The following KIAA1217 variants were observed in gnomAD, a reference collection of about 807,000 sequenced individuals.
The protein encoded by KIAA1217 is sickle tail protein homolog.
In KIAA1217, 88 loss-of-function variants were observed where a neutral mutation model predicts 163.9. The observed-to-expected ratio is 0.54, with a 90% CI of 0.45 to 0.64. The LOEUF (loss-of-function observed/expected upper bound fraction) is 0.64. Among genes scored for constraint, KIAA1217 ranks in the 30% least tolerant of loss-of-function variants. KIAA1217 has a pLI of 0.00. For missense variants in KIAA1217, 2,372 were observed against 2,475.0 expected (o/e 0.96, Z 0.88); for synonymous variants, 903 against 923.1 (o/e 0.98, Z 0.39).
In KIAA1217 at chr10:24,169,900, A is replaced by G. The variant is rs114987625; in HGVS notation, c.-170-49726A>G. ...CAACAAAAAGAAAATTAAAAAAACG[A>G]AAAAACACCTAAGCTCCCTAAGTTA... On this transcript the variant is annotated intron_variant, in intron 2 of 18. Transcript: ENST00000376462. Among the ~76,000 whole-genome samples the G allele has an allele frequency of 4.2e-3, 646 of 152,330 alleles. 2 individuals are homozygous for G. The highest frequency in any genetic ancestry group is 0.015 in the African/African-American group (626 of 41,572).
At chr10:23,766,347 G>A (rs1834514490) in intron 1 of KIAA1217, among the ~76,000 whole-genome samples, 1 of 152,160 alleles carries the variant, frequency 6.6e-6, no homozygotes. Flanking sequence ...AGTTAATAGT[G>A]TCCTCAAGTT....
chr10:24,534,823 G>T (rs553887948), intron 16 of KIAA1217, among the ~76,000 whole-genome samples: 1 of 146,436 alleles, frequency 6.8e-6, no homozygotes, highest in African/African-American at 2.5e-5. Context: ...GGAAGTTGCA[G>T]TGAGCCAGGA....
intron 1 of KIAA1217, among the ~76,000 whole-genome samples, chr10:23,821,521 T>C (rs371990361): frequency 1.8e-4 from 27 of 152,230 alleles, no homozygotes; most frequent in African/African-American, 6.3e-4. Context: ...CAAACACAAA[T>C]GATGGGGAAA....
intron 2 of KIAA1217, among the ~76,000 whole-genome samples, chr10:24,077,904 C>T (rs1038932694): frequency 2.6e-5 from 4 of 152,172 alleles, no homozygotes; most frequent in Non-Finnish European, 4.4e-5. Context: ...GAGATGGTAT[C>T]GCACTGTGCT....
chr10:24,063,833 G>C (rs2060829772), intron 2 of KIAA1217, among the ~76,000 whole-genome samples: 1 of 152,114 alleles, frequency 6.6e-6, no homozygotes, highest in African/African-American at 2.4e-5. Flanking sequence ...GTGGTTTGTA[G>C]TTCTCCTTGA....
At chr10:24,168,546 T>A (rs1337060888) in intron 2 of KIAA1217, among the ~76,000 whole-genome samples, 1 of 152,204 alleles carries the variant, frequency 6.6e-6, no homozygotes, top group Non-Finnish European at 1.5e-5. Context: ...CACCTACATT[T>A]TTCTTAAAAG....
chr10:23,842,374 A>G (rs1811081145), intron 1 of KIAA1217, among the ~76,000 whole-genome samples: 2 of 152,112 alleles, frequency 1.3e-5, no homozygotes, highest in Admixed American at 1.3e-4. Flanking sequence ...TTGGATTTTC[A>G]CTTTTGGGCC....
intron 1 of KIAA1217, among the ~76,000 whole-genome samples, chr10:23,811,169 A>G (rs997895444): frequency 1.7e-4 from 24 of 141,928 alleles, no homozygotes; most frequent in Non-Finnish European, 3.0e-4. Flanking sequence ...CATGTATACT[A>G]TACATATATA....
chr10:24,114,912 G>A (rs910753817), intron 2 of KIAA1217, among the ~76,000 whole-genome samples: 1 of 152,142 alleles, frequency 6.6e-6, no homozygotes, highest in African/African-American at 2.4e-5. Flanking sequence ...AGCATAACAA[G>A]TTCCATCCTA....
At chr10:24,236,523 C>G (rs985252493) in intron 2 of KIAA1217, among the ~76,000 whole-genome samples, 2 of 152,100 alleles carry the variant, frequency 1.3e-5, no homozygotes, top group African/African-American at 4.8e-5. Context: ...GGATTATAGG[C>G]GTGAGCCACT....
chr10:24,383,241 T>C (rs1265514353), intron 3 of KIAA1217, among the ~76,000 whole-genome samples: 2 of 152,232 alleles, frequency 1.3e-5, no homozygotes, highest in Non-Finnish European at 2.9e-5. Flanking sequence ...CTCAGGTCTC[T>C]GTAAAGATAA....
At chr10:24,089,553 A>G (rs1392456468) in intron 2 of KIAA1217, among the ~76,000 whole-genome samples, 4 of 150,952 alleles carry the variant, frequency 2.6e-5, no homozygotes, top group African/African-American at 9.8e-5. Flanking sequence ...TAAATAGGGA[A>G]TCCTTTCCCC....
At chr10:24,381,457 G>T (rs375230036) in intron 3 of KIAA1217, among the ~76,000 whole-genome samples, 1 of 152,146 alleles carries the variant, frequency 6.6e-6, no homozygotes, top group Non-Finnish European at 1.5e-5. Flanking sequence ...AAGCATTACC[G>T]CCTGAGCTCC....
At chr10:23,717,039 T>TA (rs1379661179) in intron 1 of KIAA1217, among the ~76,000 whole-genome samples, 1 of 152,120 alleles carries the variant, frequency 6.6e-6, no homozygotes, top group African/African-American at 2.4e-5. Flanking sequence ...GTTAAACAAC[T>TA]AACCACACAA....
At chr10:24,175,955 A>T (rs1485742991) in intron 2 of KIAA1217, among the ~76,000 whole-genome samples, 1 of 152,138 alleles carries the variant, frequency 6.6e-6, no homozygotes, top group African/African-American at 2.4e-5. Context: ...AGCAATATTT[A>T]TTGCAAAGGG....
At chr10:24,352,580 T>C (rs1384052960) in intron 2 of KIAA1217, among the ~76,000 whole-genome samples, 1 of 152,178 alleles carries the variant, frequency 6.6e-6, no homozygotes, top group Non-Finnish European at 1.5e-5. Context: ...TTTAGAACAA[T>C]GCAGTCAAGG....
chr10:24,193,021 A>C (rs2066799798), intron 2 of KIAA1217, among the ~76,000 whole-genome samples: 1 of 152,054 alleles, frequency 6.6e-6, no homozygotes, highest in Non-Finnish European at 1.5e-5. Flanking sequence ...GGCTTAAGCA[A>C]TCTTCCCATC....
At chr10:24,300,719 C>T (rs559583109) in intron 2 of KIAA1217, among the ~76,000 whole-genome samples, 20 of 152,248 alleles carry the variant, frequency 1.3e-4, no homozygotes, top group African/African-American at 4.6e-4. Flanking sequence ...AGGCATGCAC[C>T]ACCACACCTG....
chr10:24,040,780 G>A (rs751348404), intron 2 of KIAA1217, among the ~76,000 whole-genome samples: 9 of 152,174 alleles, frequency 5.9e-5, no homozygotes, highest in African/African-American at 9.6e-5. Context: ...TCATAAGGCT[G>A]TGCTAGACCT....
Sources: gnomAD v4.1 joint callset for allele counts (sites outside exome capture counted in the v4.1 genomes callset) on GRCh38, gnomAD v4.1.1 for gene constraint, MANE v1.5 for transcripts, NCBI Gene and HGNC (gene_info 2026-07-23, HGNC 2026-07-21) for gene names.